ERFL: variants seen among roughly 807,000 people sequenced by gnomAD.
The protein encoded by ERFL is ETS domain-containing transcription factor ERF-like.
In ERFL, 8 loss-of-function variants were observed where a neutral mutation model predicts 27.9. That is an observed-to-expected ratio of 0.29 (90% confidence interval 0.17 to 0.52). The LOEUF (loss-of-function observed/expected upper bound fraction) is 0.52, where lower values mean the gene tolerates loss of function less well. Among genes scored for constraint, ERFL ranks in the 20% least tolerant of loss-of-function variants. ERFL has a pLI of 0.97. For missense variants in ERFL, 294 were observed against 444.4 expected (o/e 0.66, Z 3.04); for synonymous variants, 174 against 202.8 (o/e 0.86, Z 1.21).
intron 2 of ERFL, among the ~76,000 whole-genome samples, chr19:41,911,027 G>A (rs554445048): frequency 2.6e-5 from 4 of 152,244 alleles, no homozygotes; most frequent in Non-Finnish European, 4.4e-5. Flanking sequence ...CACACTGTAC[G>A]ATGGAGACGG....
chr19:41,912,017 C>A (rs966913520), intron 2 of ERFL, among the ~76,000 whole-genome samples: 1 of 152,056 alleles, frequency 6.6e-6, no homozygotes, highest in Admixed American at 6.5e-5. Context: ...ATGCGGAACG[C>A]CACACAACCC....
rs1342512911 is a variant in ERFL at position 41,908,599 on chromosome 19, T to C, written c.694A>G (p.Asn232Asp). 1 of 1,231,602 alleles carries C rather than the reference T, an allele frequency of 8.1e-7. No homozygotes were observed. Among genetic ancestry groups the C allele is most frequent in the Non-Finnish European group, 1.0e-6 (1 of 988,076 alleles). The allele number at this position is 1,231,602 out of a possible 1,614,324, so 76.3% of individuals were successfully genotyped here. The stretch of plus-strand genomic sequence containing the variant: ...GGGAAGGGGCCCGTGAGGTACGGGT[T>C]AAAGTTCCAGGGGTACTCAGGGAAG... ...RAFPEYPWNF[N>D]PYLTGPFPKL... The change falls in exon 6 of 6, where the codon AAC becomes GAC. Residue 232 changes from asparagine (N) to aspartate (D), a missense_variant. By Grantham distance (23) the Asn-to-Asp change is conservative. Around this residue, in one of 3 missense-constraint regions of ERFL, gnomAD observed 246 missense variants for 371.4 expected, o/e 0.66. Coordinates refer to ENST00000597630, the MANE Select transcript of ERFL (RefSeq NM_001365103.2). This position sits in a 1 kb window ranked among gnomAD's most constrained non-coding sequence, Gnocchi z 6.7.
At chr19:41,926,051 TG>T (rs782528398) in intron 1 of ERFL, among the ~76,000 whole-genome samples, 1 of 151,874 alleles carries the variant, frequency 6.6e-6, no homozygotes, top group Non-Finnish European at 1.5e-5. Context: ...AATACGAATG[TG>T]TGAGGAACAG....
chr19:41,915,944 C>A (rs545199217), intron 1 of ERFL, among the ~76,000 whole-genome samples: 8 of 152,132 alleles, frequency 5.3e-5, no homozygotes, highest in African/African-American at 9.7e-5. Context: ...CCCCCTCCCC[C>A]CCGCCGGCCG....
intron 1 of ERFL, among the ~76,000 whole-genome samples, chr19:41,914,616 T>C (rs112019773): frequency 0.017 from 239 of 13,888 alleles, 23 homozygotes; most frequent in African/African-American, 0.058. Context: ...CTCCCTCCCC[T>C]TCCACCATCT....
In ERFL at chr19:41,914,639, C is replaced by A. The variant is rs199977633; in HGVS notation, c.-13-1707G>T. On this transcript the variant is annotated intron_variant, in intron 1 of 5. Transcript: ENST00000597630. ...CCTTCCACCATCTCTGTCTCTGTCT[C>A]TCCCTCCCTTTCCACCATCTCTGTC... Among the ~76,000 whole-genome samples, 163 of 38,280 alleles carry A rather than the reference C, an allele frequency of 4.3e-3. 42 individuals are homozygous for A. Among genetic ancestry groups the A allele is most frequent in the African/African-American group, 0.02 (87 of 4,370 alleles). 25.1% of individuals were successfully genotyped at this position (38,280 alleles called of 152,430 possible).
chr19:41,908,492 C>G lies in ERFL; in HGVS notation c.801G>C (p.Gly267=). 1 of 1,231,604 alleles carries G rather than the reference C, an allele frequency of 8.1e-7. No individual in the cohort carries two copies. The highest frequency in any genetic ancestry group is 4.2e-5 in the Admixed American group (1 of 23,718). The allele number at this position is 1,231,604 out of a possible 1,614,324, so 76.3% of individuals were successfully genotyped here. ...GCGTGGCTGTGGGGCCTCCCCCTGC[C>G]CCTGACGAGGGCAGGTGGCCCAGGG... ...ASSLGHLPSS[G]AGGGPTATPL... Residue 267 remains glycine, a synonymous_variant, in exon 6 of 6, where the codon GGG becomes GGC. Transcript: ENST00000597630. The surrounding 1 kb of genome is among the most constrained non-coding windows in gnomAD (Gnocchi z 6.7).
intron 1 of ERFL, chr19:41,923,256 G>T (rs2074852282): frequency 2.2e-6 from 1 of 447,248 alleles, no homozygotes; most frequent in South Asian, 1.6e-5. Flanking sequence ...CTAGGCCCCC[G>T]ATATTTGTAC....
intron 1 of ERFL, among the ~76,000 whole-genome samples, chr19:41,923,979 G>A (rs189577520): frequency 2.9e-5 from 3 of 102,202 alleles, no homozygotes; most frequent in Non-Finnish European, 4.0e-5. Flanking sequence ...GTAGGGGTGC[G>A]CTGGGAGGGG....
chr19:41,914,134 C>T (rs918949853), intron 1 of ERFL, among the ~76,000 whole-genome samples: 4 of 150,960 alleles, frequency 2.6e-5, no homozygotes, highest in African/African-American at 4.9e-5. Flanking sequence ...CAGACTCGCC[C>T]GGTCTCCCCA....
chr19:41,908,491 C>T lies in ERFL; in HGVS notation c.802G>A (p.Ala268Thr). ...GGCGTGGCTGTGGGGCCTCCCCCTGCCCCTGACGAGGGCAGGTGGCCCAGG... is the reference window on the plus strand; with the variant it reads ...GGCGTGGCTGTGGGGCCTCCCCCTGTCCCTGACGAGGGCAGGTGGCCCAGG... ...SSLGHLPSSG[A>T]GGGPTATPLL... The change falls in exon 6 of 6, where the codon GCA becomes ACA. Residue 268 changes from alanine to threonine, a missense_variant. Ala to Thr is a moderately conservative substitution (Grantham distance 58). This residue lies in a region of ERFL where 246 missense variants were observed against 371.4 expected (regional missense o/e 0.66). Coordinates refer to ENST00000597630, the MANE Select transcript of ERFL (RefSeq NM_001365103.2). This position sits in a 1 kb window ranked among gnomAD's most constrained non-coding sequence, Gnocchi z 6.7. 1 of 1,231,594 alleles carries T rather than the reference C, an allele frequency of 8.1e-7. No homozygotes were observed. Among genetic ancestry groups the T allele is most frequent in the Non-Finnish European group, 1.0e-6 (1 of 987,910 alleles). The allele number at this position is 1,231,594 out of a possible 1,614,324, so 76.3% of individuals were successfully genotyped here. A position where few individuals can be genotyped will look rare whatever the true frequency, so the allele number is the denominator to read the frequency against.
intron 1 of ERFL, among the ~76,000 whole-genome samples, chr19:41,920,057 CACCCA>C (rs2074830196): frequency 7.5e-6 from 1 of 132,678 alleles, no homozygotes; most frequent in African/African-American, 2.9e-5. Context: ...AGACATGACA[CACCCA>C]GATGTGACAC....
intron 2 of ERFL, among the ~76,000 whole-genome samples, chr19:41,911,594 G>A (rs1346533497): frequency 6.6e-6 from 1 of 152,182 alleles, no homozygotes; most frequent in East Asian, 1.9e-4. Context: ...GCTCCAGGCA[G>A]TCTCCTTGAG....
At chr19:41,920,338 C>T (rs943220829) in intron 1 of ERFL, among the ~76,000 whole-genome samples, 2 of 142,386 alleles carry the variant, frequency 1.4e-5, no homozygotes, top group African/African-American at 2.6e-5. Context: ...CACACTCAGA[C>T]GTGATGCACT....
chr19:41,921,523 G>A lies in ERFL; in HGVS notation c.-14+6517C>T, dbSNP rs1599679557. 6.6e-6 allele frequency among the ~76,000 whole-genome samples: 1 copy of A among 151,928 alleles called. No individual in the cohort carries two copies. Among genetic ancestry groups the A allele is most frequent in the East Asian group, 1.9e-4 (1 of 5,186 alleles). On this transcript the variant is annotated intron_variant, in intron 1 of 5. Transcript: ENST00000597630. This position sits in a 1 kb window ranked among gnomAD's most constrained non-coding sequence, Gnocchi z 4.4. ...GACAGAGACAGAGAGACAGGCAGGG[G>A]GAGATCCGAGGTGGGGAAACACGGC... is the stretch of plus-strand genomic sequence containing the variant.
chr19:41,918,731 C>T (rs1395399530), intron 1 of ERFL, among the ~76,000 whole-genome samples: 1 of 150,648 alleles, frequency 6.6e-6, no homozygotes, highest in Non-Finnish European at 1.5e-5. Context: ...ACACACCACA[C>T]ACCACCCCAC....
intron 1 of ERFL, 41 bp downstream of exon 1, chr19:41,927,999 G>A (rs1011850434): frequency 6.6e-6 from 1 of 150,848 alleles, no homozygotes; most frequent in Non-Finnish European, 1.5e-5. Flanking sequence ...GGGAATCCCC[G>A]CCCCCTCCCC....
chr19:41,910,724 T>C lies in ERFL; in HGVS notation c.68-627A>G, dbSNP rs1416518462. On this transcript the variant is annotated intron_variant, in intron 2 of 5. Coordinates refer to ENST00000597630, the MANE Select transcript of ERFL (RefSeq NM_001365103.2). This position sits in a 1 kb window ranked among gnomAD's most constrained non-coding sequence, Gnocchi z 4.4. Reference sequence around the variant, plus strand: ...CAAGAGCAGTCCAGAACGATGTGTGTGTGTGCGTGGACACACACATGCCCA... The same window carrying C: ...CAAGAGCAGTCCAGAACGATGTGTGCGTGTGCGTGGACACACACATGCCCA... Among the ~76,000 whole-genome samples the C allele has an allele frequency of 2.0e-5, 3 of 152,166 alleles. No homozygotes were observed. Among genetic ancestry groups the C allele is most frequent in the Non-Finnish European group, 4.4e-5 (3 of 68,024 alleles).
At chr19:41,922,823 C>T (rs1173089724) in intron 1 of ERFL, among the ~76,000 whole-genome samples, 2 of 152,236 alleles carry the variant, frequency 1.3e-5, no homozygotes, top group African/African-American at 2.4e-5. Flanking sequence ...ATTATTGTGA[C>T]AAGATGCAAT....
Sources: gnomAD v4.1 joint callset for allele counts (sites outside exome capture counted in the v4.1 genomes callset) on GRCh38, gnomAD v4.1.1 for gene constraint, gnomAD v4.1.1 regional missense constraint, Gnocchi (gnomAD v3.1) non-coding constraint, MANE v1.5 for transcripts, NCBI Gene and HGNC (gene_info 2026-07-23, HGNC 2026-07-21) for gene names.